The following CACNA1E variants were observed in gnomAD, a reference collection of about 807,000 sequenced individuals.
The protein encoded by CACNA1E is voltage-dependent R-type calcium channel subunit alpha-1E.
In CACNA1E, 40 loss-of-function variants were observed where a neutral mutation model predicts 259.2. The ratio of observed to expected loss-of-function variants is 0.15; its 90% CI spans 0.12 to 0.20. The LOEUF (loss-of-function observed/expected upper bound fraction) is 0.20, where lower values mean the gene tolerates loss of function less well. CACNA1E is among the 10% of genes least tolerant of loss of function. CACNA1E has a pLI of 1.00. For synonymous variants in CACNA1E, 1,104 were observed against 1,138.5 expected (o/e 0.97, Z 0.61); for missense variants, 1,874 against 3,040.1 (o/e 0.62, Z 9.02).
At chr1:181,590,697 C>A (rs561955153) in intron 6 of CACNA1E, among the ~76,000 whole-genome samples, 1 of 152,032 alleles carries the variant, frequency 6.6e-6, no homozygotes, top group Non-Finnish European at 1.5e-5. Context: ...GGTCACAGCA[C>A]CTGTGATAGT....
At chr1:181,480,011 G>A (rs1296980790), upstream of CACNA1E, among the ~76,000 whole-genome samples, 3 of 152,140 alleles carry the variant, frequency 2.0e-5, no homozygotes, top group Non-Finnish European at 4.4e-5. Flanking sequence ...AGCCACTGGC[G>A]GGGCGCAATG....
At chr1:181,389,140 A>G (rs1656066257) in intron 1 of CACNA1E, among the ~76,000 whole-genome samples, 1 of 148,078 alleles carries the variant, frequency 6.8e-6, no homozygotes, top group Non-Finnish European at 1.5e-5. Flanking sequence ...CCTGTAGCTC[A>G]TGCCTGAACC....
Position 181,776,016 on chromosome 1 carries a change from C to T in CACNA1E, c.5140-85C>T, listed in dbSNP as rs1309697613. On this transcript the variant is annotated intron_variant, in intron 37 of 47. Coordinates refer to ENST00000367573, the MANE Select transcript of CACNA1E (RefSeq NM_001205293.3). This position sits in a 1 kb window ranked among gnomAD's most constrained non-coding sequence, Gnocchi z 4.4. ...TCTGGCTCGTTTGCTAAAACACCCT[C>T]CTCCATGCCCTGAAGCCTGTTCTTC... 1.1e-5 allele frequency: 14 copies of T among 1,314,834 alleles called. No homozygotes were observed. Among genetic ancestry groups the T allele is most frequent in the South Asian group, 2.7e-5 (2 of 73,106 alleles). 81.4% of individuals were successfully genotyped at this position (1,314,834 alleles called of 1,614,324 possible).
Position 181,800,516 on chromosome 1 carries a change from T to A in CACNA1E, c.*1682T>A, listed in dbSNP as rs1302555028. The A allele has an allele frequency of 3.3e-5, 5 of 152,544 alleles. No homozygotes were observed. The highest frequency in any genetic ancestry group is 3.3e-4 in the Admixed American group (5 of 15,286). The allele number at this position is 152,544 out of a possible 1,614,324, so 9.4% of individuals were successfully genotyped here. On this transcript the variant is annotated 3_prime_UTR_variant, in exon 48 of 48. Coordinates refer to ENST00000367573, the MANE Select transcript of CACNA1E (RefSeq NM_001205293.3). ...GTGGAAATGTACCTTTCCCTTAAGT[T>A]CCTCCTTAGTGCCATCACAGCAGGT...
intron 43 of CACNA1E, among the ~76,000 whole-genome samples, chr1:181,788,301 A>G (rs140992013): frequency 2.8e-4 from 42 of 152,322 alleles, no homozygotes; most frequent in Non-Finnish European, 5.4e-4. Context: ...GTGGAACAGC[A>G]GGCTGGTTCC....
intron 6 of CACNA1E, among the ~76,000 whole-genome samples, chr1:181,614,371 A>G (rs1342047801): frequency 6.6e-6 from 1 of 152,162 alleles, no homozygotes; most frequent in Non-Finnish European, 1.5e-5. Context: ...TTCCAGCATC[A>G]CTAGTAGTGA....
At chr1:181,403,342 G>A (rs1282686172) in intron 1 of CACNA1E, among the ~76,000 whole-genome samples, 1 of 151,478 alleles carries the variant, frequency 6.6e-6, no homozygotes, top group African/African-American at 2.4e-5. Context: ...GGTGGTGGAG[G>A]TGGTGTCTAG....
intron 3 of CACNA1E, among the ~76,000 whole-genome samples, chr1:181,517,838 T>C (rs1666707048): frequency 6.6e-6 from 1 of 152,150 alleles, no homozygotes; most frequent in African/African-American, 2.4e-5. Flanking sequence ...CCTGAGCAGC[T>C]AAAGATCGAG....
chr1:181,745,040 A>G (rs1010276131), intron 25 of CACNA1E, among the ~76,000 whole-genome samples: 8 of 152,178 alleles, frequency 5.3e-5, no homozygotes, highest in African/African-American at 1.4e-4. Context: ...ATCAATGCCC[A>G]TGGACTTTTG....
In CACNA1E at chr1:181,749,710, T is replaced by A. The variant is rs74127848; in HGVS notation, c.3720-766T>A. On this transcript the variant is annotated intron_variant, in intron 25 of 47. Transcript: ENST00000367573. ...AAAAAATTTAGAAGTTGTCATTATTTCTATCTTGAAGATATTTATGCCCTG... is the reference window on the plus strand; with the variant it reads ...AAAAAATTTAGAAGTTGTCATTATTACTATCTTGAAGATATTTATGCCCTG... 9.3e-4 allele frequency among the ~76,000 whole-genome samples: 142 copies of A among 152,360 alleles called. 2 individuals carry two copies. The highest frequency in any genetic ancestry group is 3.2e-3 in the African/African-American group (135 of 41,584).
intron 1 of CACNA1E, among the ~76,000 whole-genome samples, chr1:181,325,342 T>C (rs1012845204): frequency 1.3e-5 from 2 of 152,190 alleles, no homozygotes; most frequent in Non-Finnish European, 2.9e-5. Context: ...CTCACGGCCC[T>C]TCCCCAGGGC....
At chr1:181,527,681 G>A (rs759884163) in intron 3 of CACNA1E, among the ~76,000 whole-genome samples, 1 of 152,038 alleles carries the variant, frequency 6.6e-6, no homozygotes, top group Non-Finnish European at 1.5e-5. Flanking sequence ...GGTTTTAAAT[G>A]TACCTTCAGT....
At chr1:181,659,911 G>A (rs1647457328) in intron 7 of CACNA1E, among the ~76,000 whole-genome samples, 1 of 152,106 alleles carries the variant, frequency 6.6e-6, no homozygotes, top group South Asian at 2.1e-4. Context: ...TTCTATTCAG[G>A]GATACTGACA....
intron 1 of CACNA1E, among the ~76,000 whole-genome samples, chr1:181,508,999 G>A (rs1665949056): frequency 6.6e-6 from 1 of 152,130 alleles, no homozygotes; most frequent in South Asian, 2.1e-4. Flanking sequence ...TGTGCTGTGT[G>A]AGTGCTAGAG....
In CACNA1E at chr1:181,758,662, AG is replaced by A. The variant is rs1658305700; in HGVS notation, c.4495-93del. ...TGTACCACACACCAGAGTGTCCCAC[AG>A]GGCAGGAATGAGAGATGGCCAACCT... is the stretch of plus-strand genomic sequence containing the variant. On this transcript the variant is annotated intron_variant, in intron 31 of 47. Transcript: ENST00000367573. The surrounding 1 kb of genome is among the most constrained non-coding windows in gnomAD (Gnocchi z 4.2). 1.5e-6 allele frequency: 1 copy of A among 683,342 alleles called. No homozygotes were observed. The highest frequency in any genetic ancestry group is 2.4e-5 in the Admixed American group (1 of 41,020). 42.3% of individuals were successfully genotyped at this position (683,342 alleles called of 1,614,324 possible). A position where few individuals can be genotyped will look rare whatever the true frequency, so the allele number is the denominator to read the frequency against.
intron 6 of CACNA1E, among the ~76,000 whole-genome samples, chr1:181,596,591 TGTGTGTAC>T (rs1653195822): frequency 6.9e-6 from 1 of 144,276 alleles, no homozygotes; most frequent in African/African-American, 2.6e-5. Context: ...TGTGTGTGTG[TGTGTGTAC>T]ACACACATAT....
intron 37 of CACNA1E, among the ~76,000 whole-genome samples, chr1:181,772,533 G>C (rs2102773520): frequency 6.6e-6 from 1 of 152,312 alleles, no homozygotes; most frequent in South Asian, 2.1e-4. Flanking sequence ...GGGAAGGTGA[G>C]CATATTTAAG....
chr1:181,391,939 CTCTCTCTGTGTGTGTGTGTGTGTG>C (rs1372573694), intron 1 of CACNA1E, among the ~76,000 whole-genome samples: 1 of 110,960 alleles, frequency 9.0e-6, no homozygotes, highest in African/African-American at 4.1e-5. Context: ...CTCTCTCTCT[CTCTCTCTGTGTGTGTGTGTGTGTG>C]TGTGTGTGTG....
Position 181,732,919 on chromosome 1 carries a change from G to C in CACNA1E, c.2833G>C (p.Glu945Gln). Reference protein sequence around the residue: ...SASRSRSASQERSLDEAMPTE... With the variant: ...SASRSRSASQQRSLDEAMPTE... ...CTCCCGGAGCAGGTCTGCCAGCCAGGAACGCAGTCTGGATGAAGCCATGCC... is the reference window on the plus strand; with the variant it reads ...CTCCCGGAGCAGGTCTGCCAGCCAGCAACGCAGTCTGGATGAAGCCATGCC... The change falls in exon 20 of 48, where the codon GAA (glutamate) becomes CAA (glutamine). Residue 945 changes from glutamate to glutamine, a missense_variant. Physicochemically the swap from Glu to Gln is conservative, Grantham distance 29. Coordinates refer to ENST00000367573, the MANE Select transcript of CACNA1E (RefSeq NM_001205293.3). This position sits in a 1 kb window ranked among gnomAD's most constrained non-coding sequence, Gnocchi z 5.5. 1 of 1,614,046 alleles carries C rather than the reference G, an allele frequency of 6.2e-7. No individual in the cohort carries two copies. Among genetic ancestry groups the C allele is most frequent in the Non-Finnish European group, 8.5e-7 (1 of 1,179,896 alleles).
Sources: allele counts gnomAD v4.1 joint callset (sites outside exome capture counted in the v4.1 genomes callset), GRCh38; gene constraint gnomAD v4.1.1; non-coding constraint Gnocchi (gnomAD v3.1); transcripts MANE v1.5; gene names NCBI Gene and HGNC (gene_info 2026-07-23, HGNC 2026-07-21).